Variants in CEP57 observed in about 807,000 individuals in gnomAD.
The protein encoded by CEP57 is centrosomal protein of 57 kDa.
CEP57 carries 40 observed loss-of-function variants against 68.0 expected under a neutral mutation model. The ratio of observed to expected loss-of-function variants is 0.59; its 90% CI spans 0.46 to 0.77. The LOEUF (loss-of-function observed/expected upper bound fraction) is 0.77, where lower values mean the gene tolerates loss of function less well. Ranked by LOEUF, CEP57 falls within the 30% of genes least tolerant of loss-of-function variation. CEP57 has a pLI of 0.00. For synonymous variants in CEP57, 219 were observed against 198.7 expected (o/e 1.10, Z -0.86); for missense variants, 606 against 580.7 (o/e 1.04, Z -0.45).
At chr11:95,796,959 A>G (rs1861374686) in intron 1 of CEP57, among the ~76,000 whole-genome samples, 1 of 152,202 alleles carries the variant, frequency 6.6e-6, no homozygotes, top group Non-Finnish European at 1.5e-5. Context: ...CCTCTGGTGC[A>G]GCACCTTCCC....
At chr11:95,808,818 A>T (rs1861924523) in intron 2 of CEP57, among the ~76,000 whole-genome samples, 1 of 152,234 alleles carries the variant, frequency 6.6e-6, no homozygotes, top group Non-Finnish European at 1.5e-5. Flanking sequence ...TAACAAGGAT[A>T]TCCAGGAATT....
intron 2 of CEP57, among the ~76,000 whole-genome samples, chr11:95,804,597 C>T (rs549039969): frequency 2.6e-5 from 4 of 152,202 alleles, no homozygotes; most frequent in African/African-American, 9.6e-5. Flanking sequence ...CAGGAAGAGA[C>T]TGGATAAAAA....
chr11:95,824,615 G>A (rs567135237), intron 8 of CEP57, among the ~76,000 whole-genome samples: 1 of 152,282 alleles, frequency 6.6e-6, no homozygotes, highest in Non-Finnish European at 1.5e-5. Flanking sequence ...AATCATTGAG[G>A]AGAAAGGGTA....
chr11:95,826,719 T>A (rs1391383659), intron 8 of CEP57: 1 of 152,156 alleles, frequency 6.6e-6, no homozygotes, highest in Non-Finnish European at 1.5e-5. Flanking sequence ...AGAACGAGAA[T>A]TTTTTAAATT....
At position 95,831,028 on chromosome 11, in the gene CEP57, GGAGAAACAGAAGTTA is replaced by G. The variant is rs767882667; in HGVS notation, c.1281_1295del (p.Leu430_Lys434del). 15 of 1,607,206 alleles carry G rather than the reference GGAGAAACAGAAGTTA, an allele frequency of 9.3e-6. No homozygotes were observed. In the East Asian group the frequency reaches 3.1e-4, roughly 33 times the overall value. ...CCTGCCTTGGTTATTTGGTATAGCT[GGAGAAACAGAAGTTA>G]GAGAAGCAGAAGAAGGAATTAAAAG... is the stretch of plus-strand genomic sequence containing the variant. On this transcript the variant is annotated inframe_deletion, in exon 11 of 11. Coordinates refer to ENST00000325542, the MANE Select transcript of CEP57 (RefSeq NM_014679.5).
chr11:95,803,924 T>C (rs1397263443), intron 2 of CEP57, among the ~76,000 whole-genome samples: 1 of 152,024 alleles, frequency 6.6e-6, no homozygotes, highest in Non-Finnish European at 1.5e-5. Flanking sequence ...AAGTTGTAGG[T>C]ATAGCCATGT....
In CEP57 at chr11:95,812,486, C is replaced by T. The variant is rs186961513; in HGVS notation, c.203-446C>T. ...TCGCCCAGGCTGGAGTGCAATGGTG[C>T]GATCTCAGCTCACTGCAACCTCCAC... On this transcript the variant is annotated intron_variant, in intron 2 of 10. Transcript: ENST00000325542. 2.0e-5 allele frequency among the ~76,000 whole-genome samples: 3 copies of T among 152,000 alleles called. No homozygotes were observed. The South Asian group carries it at 6.2e-4, about 32-fold the overall frequency.
intron 8 of CEP57, 196 bp downstream of exon 8, chr11:95,822,772 C>T (rs1197071434): frequency 1.7e-6 from 1 of 588,582 alleles, no homozygotes; most frequent in East Asian, 2.9e-5. Flanking sequence ...GGGAGGATAC[C>T]TTAAAGTAGA....
intron 6 of CEP57, 85 bp from the exon 7 acceptor site, chr11:95,821,786 T>C (rs1862527575): frequency 7.6e-6 from 7 of 921,272 alleles, no homozygotes; most frequent in Non-Finnish European, 1.2e-5. Flanking sequence ...CATTGGTTTT[T>C]ACAGGCTTTT....
chr11:95,818,044 A>G, intron 5 of CEP57, 141 bp downstream of exon 5: 1 of 651,844 alleles, frequency 1.5e-6, no homozygotes, highest in South Asian at 1.8e-5. Flanking sequence ...AAAAGAAAAT[A>G]TAAATTTGGA....
chr11:95,802,739 G>GA (rs1172174171), intron 2 of CEP57, among the ~76,000 whole-genome samples: 3 of 152,072 alleles, frequency 2.0e-5, no homozygotes, highest in Non-Finnish European at 4.4e-5. Flanking sequence ...TCAACACAGT[G>GA]AAAAAAGTGA....
At chr11:95,808,225 C>G (rs1861895950) in intron 2 of CEP57, among the ~76,000 whole-genome samples, 1 of 152,066 alleles carries the variant, frequency 6.6e-6, no homozygotes, top group South Asian at 2.1e-4. Context: ...AACAACTAAA[C>G]ATGGAAAGGA....
intron 9 of CEP57, among the ~76,000 whole-genome samples, 154 bp downstream of exon 9, chr11:95,828,181 A>C (rs1431341823): frequency 6.6e-6 from 1 of 152,234 alleles, no homozygotes; most frequent in African/African-American, 2.4e-5. Context: ...TTTAACAAAT[A>C]CAACTAATAA....
chr11:95,817,619 T>G (rs1214830528), intron 4 of CEP57, among the ~76,000 whole-genome samples, 168 bp from the exon 5 acceptor site: 1 of 152,174 alleles, frequency 6.6e-6, no homozygotes, highest in Non-Finnish European at 1.5e-5. Flanking sequence ...AAGAACAGTA[T>G]CCACTTATAT....
At chr11:95,830,565 C>T (rs1376695973) in intron 10 of CEP57, among the ~76,000 whole-genome samples, 2 of 152,144 alleles carry the variant, frequency 1.3e-5, no homozygotes, top group Admixed American at 6.5e-5. Flanking sequence ...ATCTGTTCAT[C>T]CATCTGGAAA....
In CEP57 at chr11:95,831,215, C is replaced by T; in HGVS notation, c.1462C>T (p.Gln488Ter). 6.2e-7 allele frequency: 1 copy of T among 1,613,398 alleles called. No individual in the cohort carries two copies. The highest frequency in any genetic ancestry group is 8.5e-7 in the Non-Finnish European group (1 of 1,179,488). ...LQLLKDMQSI[Q>*]NSLQSSSLCW... ...GTTATTGAAGGACATGCAAAGCATA[C>T]AGAATTCATTACAAAGCAGTAGTTT... Residue 488 changes from glutamine to a stop codon, truncating the protein, a stop_gained, in exon 11 of 11, where the codon CAG becomes TAG. Coordinates refer to ENST00000325542, the MANE Select transcript of CEP57 (RefSeq NM_014679.5). LOFTEE classifies it high-confidence loss of function.
chr11:95,809,969 G>A (rs1370487566), intron 2 of CEP57, among the ~76,000 whole-genome samples: 8 of 152,156 alleles, frequency 5.3e-5, no homozygotes, highest in South Asian at 4.2e-4. Flanking sequence ...CTGGCAAACC[G>A]AATCCAGCAG....
At chr11:95,812,130 A>G (rs1862091044) in intron 2 of CEP57, among the ~76,000 whole-genome samples, 1 of 152,180 alleles carries the variant, frequency 6.6e-6, no homozygotes. Flanking sequence ...GAAAGTACTT[A>G]AAATGCGGAT....
At chr11:95,822,224 T>C in intron 7 of CEP57, 1 of 578,160 alleles carries the variant, frequency 1.7e-6, no homozygotes, top group Non-Finnish European at 3.1e-6. Context: ...TACTGCATTA[T>C]CTTGTGCTCT....
Sources: allele counts gnomAD v4.1 joint callset (sites outside exome capture counted in the v4.1 genomes callset), GRCh38; gene constraint gnomAD v4.1.1; transcripts MANE v1.5; gene names NCBI Gene and HGNC (gene_info 2026-07-23, HGNC 2026-07-21).